MPPED2: variants seen among roughly 807,000 people sequenced by gnomAD.
MPPED2 encodes the protein metallophosphoesterase MPPED2.
MPPED2 carries 5 observed loss-of-function variants against 33.0 expected under a neutral mutation model. The ratio of observed to expected loss-of-function variants is 0.15; its 90% CI spans 0.08 to 0.32. The LOEUF is 0.32. MPPED2 is among the 10% of genes least tolerant of loss of function. The pLI is 1.00. For synonymous variants in MPPED2, 136 were observed against 141.9 expected (o/e 0.96, Z 0.29); for missense variants, 275 against 372.1 (o/e 0.74, Z 2.15).
chr11:30,394,713 T>C (rs2133699843), intron 6 of MPPED2, among the ~76,000 whole-genome samples: 1 of 152,304 alleles, frequency 6.6e-6, no homozygotes, highest in South Asian at 2.1e-4. Flanking sequence ...TGTATTTTTA[T>C]TTTTTAAATA....
Position 30,417,505 on chromosome 11 carries a change from T to A in MPPED2, c.652+13A>T, listed in dbSNP as rs199958609. ...GCATCTGGATGACAAAGGACAACCT[T>A]TGCTTCACTTACCTAGAGGAGGTCC... is the stretch of plus-strand genomic sequence containing the variant. On this transcript the variant is annotated intron_variant, in intron 5 of 6. Coordinates refer to ENST00000358117, the MANE Select transcript of MPPED2 (RefSeq NM_001584.3). 6.9e-5 allele frequency: 104 copies of A among 1,513,664 alleles called. 1 individual carries two copies. In the East Asian group the frequency reaches 2.3e-3, roughly 34 times the overall value. 93.8% of individuals were successfully genotyped at this position (1,513,664 alleles called of 1,614,324 possible).
chr11:30,398,628 G>T (rs1947866966), intron 6 of MPPED2, among the ~76,000 whole-genome samples: 1 of 152,142 alleles, frequency 6.6e-6, no homozygotes, highest in South Asian at 2.1e-4. Flanking sequence ...AATTTATTAT[G>T]TCTGTATCCT....
At chr11:30,439,631 G>T (rs1460405432) in intron 4 of MPPED2, among the ~76,000 whole-genome samples, 1 of 152,166 alleles carries the variant, frequency 6.6e-6, no homozygotes, top group African/African-American at 2.4e-5. Context: ...TACAGAAGTG[G>T]CAGTGGAGAC....
chr11:30,444,864 C>G (rs749463379), intron 4 of MPPED2, among the ~76,000 whole-genome samples: 6 of 152,212 alleles, frequency 3.9e-5, no homozygotes, highest in Non-Finnish European at 7.3e-5. Context: ...AGCCCCTGCA[C>G]TACCTTAATT....
chr11:30,491,915 A>G (rs1951998937), intron 4 of MPPED2, among the ~76,000 whole-genome samples: 1 of 152,166 alleles, frequency 6.6e-6, no homozygotes, highest in Admixed American at 6.5e-5. Context: ...AACAATTCCA[A>G]TGGATGGGGC....
chr11:30,555,804 A>G (rs143885581), intron 2 of MPPED2, among the ~76,000 whole-genome samples: 3 of 152,166 alleles, frequency 2.0e-5, no homozygotes, highest in African/African-American at 7.2e-5. Flanking sequence ...GACTAATACA[A>G]TGAGTATGTC....
chr11:30,507,215 C>T (rs1378244417), intron 3 of MPPED2, among the ~76,000 whole-genome samples: 2 of 152,148 alleles, frequency 1.3e-5, no homozygotes, highest in Non-Finnish European at 2.9e-5. Context: ...CTAGAAAATG[C>T]AATTACTGCA....
At chr11:30,582,243 G>T (rs142137485) in intron 1 of MPPED2, among the ~76,000 whole-genome samples, 1 of 151,908 alleles carries the variant, frequency 6.6e-6, no homozygotes, top group Non-Finnish European at 1.5e-5. Context: ...TAATTGCGTC[G>T]CGCTGAAAAG....
At chr11:30,562,358 A>T (rs894786907) in intron 2 of MPPED2, among the ~76,000 whole-genome samples, 2 of 152,176 alleles carry the variant, frequency 1.3e-5, no homozygotes, top group African/African-American at 4.8e-5. Flanking sequence ...ATATTCTGAA[A>T]TGAAAGTAAT....
chr11:30,493,213 T>TA lies in MPPED2; in HGVS notation c.536+2082dup, dbSNP rs1952067500. Among the ~76,000 whole-genome samples the TA allele has an allele frequency of 1.3e-5, 2 of 151,652 alleles. 1 individual carries two copies. The highest frequency in any genetic ancestry group is 4.2e-4 in the South Asian group (2 of 4,802). On this transcript the variant is annotated intron_variant, in intron 4 of 6. Transcript: ENST00000358117. ...GGTGAAACCCCGTCTCTACTAAAAA[T>TA]ACAAAAAATTAGCCGGGCGCAGTGG...
intron 4 of MPPED2, among the ~76,000 whole-genome samples, chr11:30,463,850 T>A (rs917006156): frequency 4.0e-5 from 6 of 150,592 alleles, no homozygotes; most frequent in African/African-American, 7.3e-5. Context: ...AACTGTTATT[T>A]TATATATATA....
chr11:30,443,102 C>A (rs1201879306), intron 4 of MPPED2, among the ~76,000 whole-genome samples: 5 of 152,126 alleles, frequency 3.3e-5, no homozygotes, highest in Middle Eastern at 3.2e-3. Flanking sequence ...CTCATAGACA[C>A]ACAGACTCCT....
At chr11:30,494,759 AAGAAAGAAAG>A (rs1952169093) in intron 4 of MPPED2, among the ~76,000 whole-genome samples, 4 of 134,836 alleles carry the variant, frequency 3.0e-5, no homozygotes, top group African/African-American at 1.2e-4. Context: ...AAAAAAAAAA[AAGAAAGAAAG>A]AAAGAAAGAA....
At chr11:30,530,519 T>G (rs998050328) in intron 3 of MPPED2, among the ~76,000 whole-genome samples, 1 of 152,192 alleles carries the variant, frequency 6.6e-6, no homozygotes, top group African/African-American at 2.4e-5. Flanking sequence ...GAAAGTAGCT[T>G]ACTGTGAAAG....
At chr11:30,420,800 G>A (rs879486812) in intron 4 of MPPED2, among the ~76,000 whole-genome samples, 1 of 152,042 alleles carries the variant, frequency 6.6e-6, no homozygotes, top group African/African-American at 2.4e-5. Context: ...CTCACCTTCA[G>A]GTTCTTAAAC....
chr11:30,583,826 G>T (rs1957309296), intron 1 of MPPED2, among the ~76,000 whole-genome samples: 2 of 152,104 alleles, frequency 1.3e-5, no homozygotes, highest in African/African-American at 4.8e-5. Context: ...TTTCAACAAG[G>T]ATGCTCATTT....
chr11:30,387,131 C>A, exon 7 of MPPED2: 1 of 185,302 alleles, frequency 5.4e-6, no homozygotes, highest in Non-Finnish European at 1.1e-5. Context: ...CTCTGAGCAT[C>A]TAAGCCACTC....
At chr11:30,470,946 G>T (rs1005790685) in intron 4 of MPPED2, among the ~76,000 whole-genome samples, 1 of 152,162 alleles carries the variant, frequency 6.6e-6, no homozygotes, top group African/African-American at 2.4e-5. Flanking sequence ...CTTGCAGGAT[G>T]TGCCACCTAG....
intron 4 of MPPED2, among the ~76,000 whole-genome samples, chr11:30,423,410 G>A (rs114786610): frequency 2.0e-5 from 3 of 152,204 alleles, no homozygotes; most frequent in African/African-American, 7.2e-5. Flanking sequence ...AGGGATTACA[G>A]CTTGGAAGCC....
Sources: gnomAD v4.1 joint callset for allele counts (sites outside exome capture counted in the v4.1 genomes callset) on GRCh38, gnomAD v4.1.1 for gene constraint, MANE v1.5 for transcripts, NCBI Gene and HGNC (gene_info 2026-07-23, HGNC 2026-07-21) for gene names.